The following NPHS1 variants were observed in gnomAD, a reference collection of about 807,000 sequenced individuals.
The protein encoded by NPHS1 is NPHS1 adhesion molecule, nephrin.
NPHS1 carries 107 observed loss-of-function variants against 139.7 expected under a neutral mutation model. That is an observed-to-expected ratio of 0.77 (90% confidence interval 0.66 to 0.90). The LOEUF (loss-of-function observed/expected upper bound fraction) is 0.90. Ranked by LOEUF, NPHS1 falls within the 40% of genes least tolerant of loss-of-function variation. The probability of loss-of-function intolerance (pLI) is 0.00; values close to 1 mark genes in which losing one functional copy is unlikely to be tolerated. For missense variants in NPHS1, 1,580 were observed against 1,654.2 expected (o/e 0.96, Z 0.78); for synonymous variants, 707 against 706.6 (o/e 1.00, Z -0.01).
Position 35,826,586 on chromosome 19 carries a change from G to A in NPHS1, c.3654C>T (p.Asp1218=), listed in dbSNP as rs766025346. 8.1e-6 allele frequency: 13 copies of A among 1,613,932 alleles called. No individual in the cohort carries two copies. In the African/African-American group the frequency reaches 1.7e-4, roughly 22 times the overall value. The part of the protein sequence containing the change: ...DTYQDPRGIY[D]QVAGDLDTLE... ...GAGTGTCCAAGTCTCCGGCCACCTG[G>A]TCATAGATTCCTCTTGGATCCTGAT... The change falls in exon 29 of 29, where the codon GAC becomes GAT. Residue 1218 remains aspartate, a synonymous_variant. Coordinates refer to ENST00000378910, the MANE Select transcript of NPHS1 (RefSeq NM_004646.4).
At chr19:35,837,026 A>AAAAGAAAGAAAGAAAGAAAGAAAG (rs201666209) in intron 22 of NPHS1, among the ~76,000 whole-genome samples, 8 of 131,928 alleles carry the variant, frequency 6.1e-5, no homozygotes, top group Non-Finnish European at 9.3e-5. Context: ...AAAAGAAAAG[A>AAAAGAAAGAAAGAAAGAAAGAAAG]AAAGAAAGAA....
chr19:35,826,862 A>C (rs967727615), intron 28 of NPHS1, among the ~76,000 whole-genome samples: 2 of 152,248 alleles, frequency 1.3e-5, no homozygotes, highest in African/African-American at 4.8e-5. Context: ...CAGGCTGGGC[A>C]CGGTAGCTCA....
chr19:35,849,667 T>A lies in NPHS1; in HGVS notation c.609-14A>T. 1 of 1,593,520 alleles carries A rather than the reference T, an allele frequency of 6.3e-7. No individual in the cohort carries two copies. The highest frequency in any genetic ancestry group is 8.6e-7 in the Non-Finnish European group (1 of 1,161,634). On this transcript the variant is annotated splice_polypyrimidine_tract_variant and intron_variant, in intron 5 of 28. Coordinates refer to ENST00000378910, the MANE Select transcript of NPHS1 (RefSeq NM_004646.4). The stretch of plus-strand genomic sequence containing the variant: ...CGGGGTGTCACCCTGGGATGAGAAG[T>A]CAGGGTTATAGAGTCAGAGTCATCA...
At position 35,844,224 on chromosome 19, in the gene NPHS1, GC is replaced by G; in HGVS notation, c.2090del (p.Arg697ProfsTer13). The G allele has an allele frequency of 6.2e-7, 1 of 1,613,094 alleles. No homozygotes were observed. The highest frequency in any genetic ancestry group is 2.2e-5 in the East Asian group (1 of 44,888). The stretch of plus-strand genomic sequence containing the variant: ...GATGCAGAGCCCCGCTGGACAGGAT[GC>G]GATGCCGGGGGCCGCCCGCTGGGGA... ...RLSPAGGPRH[R>X]ILSSGALHLW... is the part of the protein sequence containing the mutation. On this transcript the variant is annotated frameshift_variant, in exon 16 of 29. Coordinates refer to ENST00000378910, the MANE Select transcript of NPHS1 (RefSeq NM_004646.4). LOFTEE classifies it high-confidence loss of function.
chr19:35,830,242 G>C (rs577804521), intron 28 of NPHS1, among the ~76,000 whole-genome samples: 8 of 152,342 alleles, frequency 5.3e-5, no homozygotes, highest in African/African-American at 1.7e-4. Flanking sequence ...AGGGGAGTGA[G>C]AGCAGAGTGG....
intron 28 of NPHS1, 109 bp from the exon 29 acceptor site, chr19:35,826,754 A>G: frequency 2.4e-6 from 3 of 1,227,316 alleles, no homozygotes; most frequent in Non-Finnish European, 3.6e-6. Context: ...AAAGTGTTTT[A>G]GCTTTTACTA....
rs2146803129 is a variant in NPHS1, at chr19:35,826,459, A to G, written c.*55T>C. ...AGCTCGGCCCAGGCTGTAATGAGAGAGACCAGTGGAGTGTAAATTCCTGCA... is the reference window on the plus strand; with the variant it reads ...AGCTCGGCCCAGGCTGTAATGAGAGGGACCAGTGGAGTGTAAATTCCTGCA... On this transcript the variant is annotated 3_prime_UTR_variant, in exon 29 of 29. Transcript: ENST00000378910. The G allele has an allele frequency of 2.5e-6, 4 of 1,607,634 alleles. No homozygotes were observed.
intron 22 of NPHS1, among the ~76,000 whole-genome samples, chr19:35,838,945 C>T (rs1374742001): frequency 6.6e-6 from 1 of 152,124 alleles, no homozygotes; most frequent in Admixed American, 6.6e-5. Flanking sequence ...TTAACTGCAA[C>T]CTCAAATTTT....
intron 16 of NPHS1, 93 bp from the exon 17 acceptor site, chr19:35,843,686 CA>C: frequency 6.5e-7 from 1 of 1,536,272 alleles, no homozygotes; most frequent in Non-Finnish European, 8.9e-7. Flanking sequence ...TTAGGGGTTC[CA>C]GGAAAGTTAT....
rs1420307327 is a variant in NPHS1, at chr19:35,830,913, CAA to C, written c.3523_3524del (p.Leu1175ValfsTer2). On this transcript the variant is annotated frameshift_variant, in exon 28 of 29. Transcript: ENST00000378910. LOFTEE classifies it high-confidence loss of function. The part of the protein sequence containing the change: ...EDEDMAFPGH[L>X]YDEVERTYPP... ...GGTACGTTCTTTCTACCTCATCATA[CAA>C]GTGCCCAGGGAAGGCCATATCCTCA... 4 of 1,614,156 alleles carry C rather than the reference CAA, an allele frequency of 2.5e-6. No homozygotes were observed. Among genetic ancestry groups the C allele is most frequent in the East Asian group, 4.5e-5 (2 of 44,892 alleles).
chr19:35,831,145 A>C lies in NPHS1; in HGVS notation c.3389T>G (p.Val1130Gly). The C allele has an allele frequency of 6.2e-7, 1 of 1,613,706 alleles. No homozygotes were observed. Among genetic ancestry groups the C allele is most frequent in the Non-Finnish European group, 8.5e-7 (1 of 1,179,956 alleles). ...TGERDTQSST[V>G]STTEAEPYYR... ...ATACGGCTCTGCCTCTGTTGTGCTG[A>C]CCTGTTCCCCACACGCAAAACAAAC... The change falls in exon 27 of 29, where the codon GTC becomes GGC. Residue 1130 changes from valine (V) to glycine (G), a missense_variant and splice_region_variant. Transcript: ENST00000378910.
Position 35,849,305 on chromosome 19 carries a change from T to C in NPHS1, c.771A>G (p.Ala257=). ...CGCACGGCAGCTCCAAGCTCTGTCC[T>C]GCCCGCACGTGCCCCTCATCCAGGC... ...WPGLDEGHVR[A]GQSLELPCVA... Residue 257 remains alanine, a synonymous_variant, in exon 7 of 29, where the codon GCA becomes GCG. Coordinates refer to ENST00000378910, the MANE Select transcript of NPHS1 (RefSeq NM_004646.4). 6.2e-7 allele frequency: 1 copy of C among 1,613,110 alleles called. No homozygotes were observed. The highest frequency in any genetic ancestry group is 1.3e-5 in the African/African-American group (1 of 75,028).
At chr19:35,831,555 G>T in intron 24 of NPHS1, 55 bp from the exon 25 acceptor site, 2 of 1,610,624 alleles carry the variant, frequency 1.2e-6, no homozygotes, top group Non-Finnish European at 1.7e-6. Context: ...CCCCACCCCG[G>T]CCCCAGGAAG....
At chr19:35,829,524 G>T (rs1972846358) in intron 28 of NPHS1, among the ~76,000 whole-genome samples, 2 of 148,966 alleles carry the variant, frequency 1.3e-5, no homozygotes, top group Non-Finnish European at 3.0e-5. Context: ...GCACCACCAT[G>T]CCCAGTTAAT....
At position 35,845,001 on chromosome 19, in the gene NPHS1, C is replaced by T. The variant is rs972452143; in HGVS notation, c.1930+367G>A. On this transcript the variant is annotated intron_variant, in intron 14 of 28. Transcript: ENST00000378910. This position sits in a 1 kb window ranked among gnomAD's most constrained non-coding sequence, Gnocchi z 5.5. ...ACAAAAAATCAGCCTAGCATAGTGG[C>T]ACGCGCCTGTAATCCCAGCACTTTG... 3.3e-5 allele frequency among the ~76,000 whole-genome samples: 5 copies of T among 152,180 alleles called. No homozygotes were observed. Among genetic ancestry groups the T allele is most frequent in the Admixed American group, 2.0e-4 (3 of 15,272 alleles).
At chr19:35,834,792 G>GAGGC (rs1202783664) in intron 23 of NPHS1, among the ~76,000 whole-genome samples, 1 of 151,210 alleles carries the variant, frequency 6.6e-6, no homozygotes, top group Non-Finnish European at 1.5e-5. Flanking sequence ...TCGGGAGGCT[G>GAGGC]AGGCAGGAGA....
In NPHS1 at chr19:35,850,984, G is replaced by T. The variant is rs762875234; in HGVS notation, c.503C>A (p.Ala168Glu). 1.8e-5 allele frequency: 29 copies of T among 1,614,168 alleles called. No homozygotes were observed. In the South Asian group the frequency reaches 3.2e-4, roughly 18 times the overall value. The change falls in exon 4 of 29, where the codon GCA becomes GAA. Residue 168 changes from alanine to glutamate, a missense_variant. Transcript: ENST00000378910. ...ACTCAGGAGAATGGTGATGTCAGGT[G>T]CTGGCTTCGCGTCCCCAGACACACA... ...VNCVSGDAKP[A>E]PDITILLSGQ...
intron 28 of NPHS1, among the ~76,000 whole-genome samples, chr19:35,829,561 C>A (rs1972847549): frequency 6.6e-6 from 1 of 150,402 alleles, no homozygotes; most frequent in Non-Finnish European, 1.5e-5. Flanking sequence ...TTTTTTGAGA[C>A]AGAGTCTTGC....
chr19:35,844,811 T>C (rs1286321422), intron 14 of NPHS1, among the ~76,000 whole-genome samples: 1 of 151,950 alleles, frequency 6.6e-6, no homozygotes, highest in Non-Finnish European at 1.5e-5. Context: ...ATGGGGTTAA[T>C]GATAGAGTGA....
Sources: allele counts gnomAD v4.1 joint callset (sites outside exome capture counted in the v4.1 genomes callset), GRCh38; gene constraint gnomAD v4.1.1; non-coding constraint Gnocchi (gnomAD v3.1); transcripts MANE v1.5; gene names NCBI Gene and HGNC (gene_info 2026-07-23, HGNC 2026-07-21).